Variants in CCDC178 observed in about 807,000 individuals in gnomAD.
CCDC178 encodes coiled-coil domain-containing protein 178.
In CCDC178, 126 loss-of-function variants were observed where a neutral mutation model predicts 117.4. The ratio of observed to expected loss-of-function variants is 1.07; its 90% CI spans 0.93 to 1.24. The LOEUF (loss-of-function observed/expected upper bound fraction) is 1.24, where lower values mean the gene tolerates loss of function less well. Among genes scored for constraint, CCDC178 ranks in the 50% most tolerant of loss-of-function variants. The pLI, the probability that CCDC178 is intolerant of heterozygous loss-of-function variation, is 0.00. For missense variants in CCDC178, 1,030 were observed against 986.9 expected, an observed-to-expected ratio of 1.04 and a Z score of -0.59; for synonymous variants, 283 against 313.4, an observed-to-expected ratio of 0.90 and a Z score of 1.02.
chr18:33,240,411 G>A (rs2059474046), intron 15 of CCDC178, among the ~76,000 whole-genome samples: 1 of 151,046 alleles, frequency 6.6e-6, no homozygotes. Context: ...TAAAAATACA[G>A]TACAAAAATC....
At chr18:32,982,246 G>A (rs374313924) in intron 21 of CCDC178, among the ~76,000 whole-genome samples, 7 of 152,012 alleles carry the variant, frequency 4.6e-5, no homozygotes, top group African/African-American at 1.4e-4. Flanking sequence ...GAAAGGGAAC[G>A]TTTCAAGGAA....
intron 9 of CCDC178, among the ~76,000 whole-genome samples, chr18:33,345,613 A>T (rs1169171120): frequency 6.6e-6 from 1 of 152,186 alleles, no homozygotes; most frequent in Non-Finnish European, 1.5e-5. Flanking sequence ...CAATCACTTT[A>T]AATTCCTAAA....
At chr18:33,367,266 T>C (rs1200718733) in intron 6 of CCDC178, among the ~76,000 whole-genome samples, 1 of 152,062 alleles carries the variant, frequency 6.6e-6, no homozygotes, top group Non-Finnish European at 1.5e-5. Context: ...ATTGAACTCA[T>C]GAATATAGAG....
At chr18:33,015,335 C>T (rs909977018) in intron 21 of CCDC178, among the ~76,000 whole-genome samples, 1 of 151,470 alleles carries the variant, frequency 6.6e-6, no homozygotes, top group Non-Finnish European at 1.5e-5. Flanking sequence ...GAGGCCAAGG[C>T]GGGGCAGATC....
At chr18:33,369,430 A>T (rs2063266344) in intron 6 of CCDC178, among the ~76,000 whole-genome samples, 2 of 151,954 alleles carry the variant, frequency 1.3e-5, no homozygotes, top group Non-Finnish European at 2.9e-5. Flanking sequence ...GGTCTCTGGA[A>T]AATTGATCTC....
At position 33,255,771 on chromosome 18, in the gene CCDC178, G is replaced by A. The variant is rs565576018; in HGVS notation, c.1410-10343C>T. On this transcript the variant is annotated intron_variant, in intron 14 of 22. Coordinates refer to ENST00000383096, the MANE Select transcript of CCDC178 (RefSeq NM_001105528.4). ...TTTCTGGGACAGGAGATGGAGCAAG[G>A]GTATAAATGGGCTGAGATTAGTACC... 3.9e-5 allele frequency among the ~76,000 whole-genome samples: 6 copies of A among 151,980 alleles called. No individual in the cohort carries two copies. In the South Asian group the frequency reaches 1.2e-3, roughly 32 times the overall value.
At chr18:33,226,374 G>T (rs911102557) in intron 16 of CCDC178, among the ~76,000 whole-genome samples, 17 of 152,100 alleles carry the variant, frequency 1.1e-4, no homozygotes, top group Admixed American at 3.9e-4. Flanking sequence ...AGTTGTTTTT[G>T]CCAGCTTACA....
At chr18:33,185,851 G>A (rs899884120) in intron 20 of CCDC178, among the ~76,000 whole-genome samples, 1 of 151,304 alleles carries the variant, frequency 6.6e-6, no homozygotes, top group Non-Finnish European at 1.5e-5. Flanking sequence ...AGTTTCCAAC[G>A]TTATTTTCTT....
intron 18 of CCDC178, among the ~76,000 whole-genome samples, chr18:33,217,316 T>C (rs532870399): frequency 4.6e-5 from 7 of 152,040 alleles, no homozygotes; most frequent in Admixed American, 6.6e-5. Flanking sequence ...TCTATGATCA[T>C]TGATCTATTC....
At chr18:33,290,220 T>C (rs2144863787) in intron 12 of CCDC178, among the ~76,000 whole-genome samples, 1 of 152,292 alleles carries the variant, frequency 6.6e-6, no homozygotes, top group Middle Eastern at 3.4e-3. Context: ...TCAAATGAAA[T>C]ATTTATGCAA....
At chr18:33,286,371 AT>A (rs1187252768) in intron 12 of CCDC178, among the ~76,000 whole-genome samples, 1 of 152,150 alleles carries the variant, frequency 6.6e-6, no homozygotes, top group Non-Finnish European at 1.5e-5. Flanking sequence ...TGGTCCAAAA[AT>A]TTGGGTTGTA....
chr18:33,227,550 G>A (rs1045362585), intron 15 of CCDC178, among the ~76,000 whole-genome samples: 3,794 of 71,844 alleles, frequency 0.053, 118 homozygotes, highest in African/African-American at 0.17. Context: ...GTGTGTGTGT[G>A]TGTGTGTATA....
At chr18:33,274,621 A>AC (rs1328259534) in intron 12 of CCDC178, among the ~76,000 whole-genome samples, 19 of 152,122 alleles carry the variant, frequency 1.2e-4, no homozygotes, top group African/African-American at 3.9e-4. Flanking sequence ...ACCCTTGAAA[A>AC]CCAGGGTCTA....
At chr18:32,983,037 A>C (rs757987635) in intron 21 of CCDC178, among the ~76,000 whole-genome samples, 4 of 151,892 alleles carry the variant, frequency 2.6e-5, no homozygotes, top group Non-Finnish European at 5.9e-5. Flanking sequence ...TTGATAATGG[A>C]GGAGGCTATG....
At chr18:33,415,444 C>T (rs533132918) in intron 2 of CCDC178, among the ~76,000 whole-genome samples, 10 of 151,420 alleles carry the variant, frequency 6.6e-5, no homozygotes, top group South Asian at 2.1e-4. Flanking sequence ...AGCAAACTAT[C>T]GCAAGGACAA....
intron 6 of CCDC178, among the ~76,000 whole-genome samples, chr18:33,362,337 T>C (rs2063141885): frequency 6.6e-6 from 1 of 151,738 alleles, no homozygotes; most frequent in Non-Finnish European, 1.5e-5. Flanking sequence ...ACATGTGGAA[T>C]ATATTTTTTT....
chr18:33,320,609 A>G (rs1364160429), intron 11 of CCDC178, among the ~76,000 whole-genome samples: 3 of 152,212 alleles, frequency 2.0e-5, no homozygotes, highest in Non-Finnish European at 4.4e-5. Context: ...AAATGGAAGA[A>G]CATTCCATGC....
chr18:33,009,909 C>T (rs2055828941), intron 21 of CCDC178, among the ~76,000 whole-genome samples: 1 of 152,026 alleles, frequency 6.6e-6, no homozygotes, highest in African/African-American at 2.4e-5. Flanking sequence ...TTTTTTAGAA[C>T]CATTGACAGA....
At chr18:33,407,040 T>C (rs935379427) in intron 3 of CCDC178, among the ~76,000 whole-genome samples, 5 of 152,176 alleles carry the variant, frequency 3.3e-5, no homozygotes. Flanking sequence ...GTTTCATGAC[T>C]AGAGGGCAGT....
Sources: gnomAD v4.1 joint callset for allele counts (sites outside exome capture counted in the v4.1 genomes callset) on GRCh38, gnomAD v4.1.1 for gene constraint, MANE v1.5 for transcripts, NCBI Gene and HGNC (gene_info 2026-07-23, HGNC 2026-07-21) for gene names.